The following ENTREP2 variants were observed in gnomAD, a reference collection of about 807,000 sequenced individuals.
ENTREP2 encodes the protein protein ENTREP2.
chr15:29,600,898 C>CTTTTTTTTTTTTTTTTTTTT, the ENTREP2 span, among the ~76,000 whole-genome samples: 837 of 125,172 alleles, frequency 6.7e-3, 143 homozygotes, highest in East Asian at 0.031. Flanking sequence ...TATGATTTTT[C>CTTTTTTTTTTTTTTTTTTTT]TTTCTTTTTT....
chr15:29,239,604 C>T, the ENTREP2 span, among the ~76,000 whole-genome samples: 1 of 152,126 alleles, frequency 6.6e-6, no homozygotes, highest in Non-Finnish European at 1.5e-5. Flanking sequence ...TCAGGGCTAA[C>T]CAGACTTTCA....
the ENTREP2 span, among the ~76,000 whole-genome samples, chr15:29,491,035 G>C: frequency 2.6e-5 from 4 of 152,190 alleles, no homozygotes. Context: ...GGAGGCGGCT[G>C]AGGCCCCGCG....
chr15:29,530,149 C>T, the ENTREP2 span, among the ~76,000 whole-genome samples: 3 of 152,052 alleles, frequency 2.0e-5, no homozygotes, highest in Non-Finnish European at 4.4e-5. Context: ...AGGGGACGCT[C>T]CAGAAAATGC....
chr15:29,658,135 G>A, the ENTREP2 span, among the ~76,000 whole-genome samples: 2 of 152,140 alleles, frequency 1.3e-5, no homozygotes, highest in African/African-American at 4.8e-5. Flanking sequence ...TCTTGGGGGG[G>A]ACCAGGTGGA....
chr15:29,200,610 G>A, the ENTREP2 span, among the ~76,000 whole-genome samples: 1 of 151,790 alleles, frequency 6.6e-6, no homozygotes, highest in Non-Finnish European at 1.5e-5. Context: ...CCAGGCTGGT[G>A]TGCAATTGCG....
At chr15:29,345,733 T>C in the ENTREP2 span, among the ~76,000 whole-genome samples, 1 of 151,846 alleles carries the variant, frequency 6.6e-6, no homozygotes, top group East Asian at 1.9e-4. Context: ...TCCTGGGCTC[T>C]GCTTCTGGGC....
the ENTREP2 span, among the ~76,000 whole-genome samples, chr15:29,347,651 G>C: frequency 6.6e-6 from 1 of 152,112 alleles, no homozygotes; most frequent in Non-Finnish European, 1.5e-5. Flanking sequence ...TAAAAACCAT[G>C]GAGAAAGGAA....
chr15:29,527,575 AG>A, the ENTREP2 span, among the ~76,000 whole-genome samples: 1 of 152,142 alleles, frequency 6.6e-6, no homozygotes, highest in Non-Finnish European at 1.5e-5. Context: ...CTTTACTCCT[AG>A]GTAATTCCCA....
chr15:29,584,630 A>C, the ENTREP2 span, among the ~76,000 whole-genome samples: 7 of 152,196 alleles, frequency 4.6e-5, no homozygotes, highest in Admixed American at 2.0e-4. Context: ...AACTCACAGA[A>C]ACAGAGTAGA....
At chr15:29,267,679 G>A in the ENTREP2 span, 2 of 152,124 alleles carry the variant, frequency 1.3e-5, no homozygotes, top group Middle Eastern at 6.8e-3. Flanking sequence ...ACTATCTTTT[G>A]AACCAGGAAT....
chr15:29,388,988 A>T, the ENTREP2 span, among the ~76,000 whole-genome samples: 18 of 147,136 alleles, frequency 1.2e-4, no homozygotes, highest in Middle Eastern at 6.9e-3. Context: ...GGGGGAGGGA[A>T]AACATTAGGA....
At chr15:29,327,720 A>G in the ENTREP2 span, among the ~76,000 whole-genome samples, 1 of 152,244 alleles carries the variant, frequency 6.6e-6, no homozygotes, top group African/African-American at 2.4e-5. Flanking sequence ...AATTAAAGCA[A>G]CAATAAGATA....
At chr15:29,636,311 T>G in the ENTREP2 span, among the ~76,000 whole-genome samples, 2 of 152,056 alleles carry the variant, frequency 1.3e-5, no homozygotes, top group African/African-American at 4.8e-5. Flanking sequence ...GCAGTTGAGG[T>G]GTGGGCAAAG....
the ENTREP2 span, among the ~76,000 whole-genome samples, chr15:29,205,295 T>C: frequency 6.6e-6 from 1 of 152,258 alleles, no homozygotes; most frequent in Non-Finnish European, 1.5e-5. Flanking sequence ...TGTGCACATA[T>C]CTATTTGAGT....
the ENTREP2 span, among the ~76,000 whole-genome samples, chr15:29,615,948 C>T: frequency 1.6e-3 from 242 of 152,298 alleles, no homozygotes; most frequent in African/African-American, 5.6e-3. Flanking sequence ...TGAGAGAGGG[C>T]CCTCATGCAC....
At chr15:29,267,410 T>C in the ENTREP2 span, 1 of 152,220 alleles carries the variant, frequency 6.6e-6, no homozygotes, top group Non-Finnish European at 1.5e-5. Context: ...CATAAAACTA[T>C]TATATAGCTA....
At chr15:29,491,038 G>A in the ENTREP2 span, among the ~76,000 whole-genome samples, 1 of 152,198 alleles carries the variant, frequency 6.6e-6, no homozygotes, top group East Asian at 1.9e-4. Flanking sequence ...GGCGGCTGAG[G>A]CCCCGCGAGA....
the ENTREP2 span, among the ~76,000 whole-genome samples, chr15:29,226,666 G>A: frequency 3.9e-5 from 6 of 152,324 alleles, no homozygotes; most frequent in African/African-American, 1.4e-4. Flanking sequence ...TTACTATGGG[G>A]CTCTTCCGAG....
the ENTREP2 span, among the ~76,000 whole-genome samples, chr15:29,454,917 A>C: frequency 4.6e-4 from 70 of 152,356 alleles, no homozygotes; most frequent in Admixed American, 3.6e-3. Flanking sequence ...AATGCATTAT[A>C]CACGTAAAGC....
Sources: allele counts gnomAD v4.1 joint callset (sites outside exome capture counted in the v4.1 genomes callset), GRCh38; gene constraint gnomAD v4.1.1; transcripts MANE v1.5; gene names NCBI Gene and HGNC (gene_info 2026-07-23, HGNC 2026-07-21).